The following TNFRSF8 variants were observed in gnomAD, a reference collection of about 807,000 sequenced individuals.
TNFRSF8 encodes TNF receptor superfamily member 8.
A neutral mutation model predicts 70.8 loss-of-function variants in TNFRSF8; 26 were observed. The observed-to-expected ratio is 0.37, with a 90% CI of 0.27 to 0.51. The LOEUF (loss-of-function observed/expected upper bound fraction) is 0.51, where lower values mean the gene tolerates loss of function less well. Ranked by LOEUF, TNFRSF8 falls within the 20% of genes least tolerant of loss-of-function variation. The pLI is 0.94. For synonymous variants in TNFRSF8, 356 were observed against 339.2 expected (o/e 1.05, Z -0.54); for missense variants, 720 against 807.9 (o/e 0.89, Z 1.32).
chr1:12,095,597 A>G (rs1641319685), intron 2 of TNFRSF8, among the ~76,000 whole-genome samples: 1 of 152,134 alleles, frequency 6.6e-6, no homozygotes, highest in Non-Finnish European at 1.5e-5. Flanking sequence ...CTGTTACTAT[A>G]TGTTATTTTG....
chr1:12,083,303 A>G (rs551664132), intron 1 of TNFRSF8, among the ~76,000 whole-genome samples: 1 of 152,352 alleles, frequency 6.6e-6, no homozygotes, highest in East Asian at 1.9e-4. Flanking sequence ...TCCTAGGTAT[A>G]TAGCCAACAA....
intron 1 of TNFRSF8, among the ~76,000 whole-genome samples, chr1:12,075,315 G>A (rs1402938652): frequency 2.6e-5 from 4 of 151,678 alleles, no homozygotes; most frequent in Admixed American, 2.6e-4. Flanking sequence ...TGAACTCCTG[G>A]GCTTAAGCAA....
chr1:12,116,081 A>G (rs1173143973), intron 8 of TNFRSF8, among the ~76,000 whole-genome samples: 1 of 152,146 alleles, frequency 6.6e-6, no homozygotes, highest in Non-Finnish European at 1.5e-5. Flanking sequence ...TCCTGGGTTC[A>G]AGCAATTCTC....
intron 2 of TNFRSF8, among the ~76,000 whole-genome samples, chr1:12,095,356 C>T (rs1034523019): frequency 6.6e-6 from 1 of 150,978 alleles, no homozygotes; most frequent in Non-Finnish European, 1.5e-5. Flanking sequence ...GGCACGATCT[C>T]GGCTCACTGC....
intron 2 of TNFRSF8, among the ~76,000 whole-genome samples, chr1:12,095,214 A>G (rs1166982142): frequency 6.6e-6 from 1 of 152,150 alleles, no homozygotes; most frequent in Non-Finnish European, 1.5e-5. Flanking sequence ...GTCTGGGCTC[A>G]TCATTGCTTT....
chr1:12,115,185 G>A (rs1198543184), intron 7 of TNFRSF8, among the ~76,000 whole-genome samples: 1 of 152,164 alleles, frequency 6.6e-6, no homozygotes, highest in Non-Finnish European at 1.5e-5. Flanking sequence ...GCTTTAGGGA[G>A]AGATAGTGGG....
intron 1 of TNFRSF8, among the ~76,000 whole-genome samples, chr1:12,075,354 G>T (rs6701404): frequency 0.27 from 41,054 of 151,772 alleles, 5,998 homozygotes; most frequent in South Asian, 0.38. Context: ...CCAAAGAGCT[G>T]GGATTACGGG....
In TNFRSF8 at chr1:12,108,956, A is replaced by C. The variant is rs1410928699; in HGVS notation, c.422-610A>C. Among the ~76,000 whole-genome samples the C allele has an allele frequency of 6.6e-6, 1 of 152,178 alleles. No individual in the cohort carries two copies. The highest frequency in any genetic ancestry group is 1.5e-5 in the Non-Finnish European group (1 of 68,032). The stretch of plus-strand genomic sequence containing the variant: ...TCCAGCATTCTTCAGGACTCCTTGG[A>C]TTGCATGTAGCAAAATCCCCAATTT... On this transcript the variant is annotated intron_variant, in intron 4 of 14. Coordinates refer to ENST00000263932, the MANE Select transcript of TNFRSF8 (RefSeq NM_001243.5). This position sits in a 1 kb window ranked among gnomAD's most constrained non-coding sequence, Gnocchi z 4.0.
At chr1:12,103,589 C>T (rs1210990698) in intron 3 of TNFRSF8, among the ~76,000 whole-genome samples, 1 of 152,092 alleles carries the variant, frequency 6.6e-6, no homozygotes, top group East Asian at 1.9e-4. Context: ...CCCGCCTCAG[C>T]CTCCCAAGTA....
At chr1:12,080,975 T>C (rs1641053863) in intron 1 of TNFRSF8, among the ~76,000 whole-genome samples, 1 of 152,220 alleles carries the variant, frequency 6.6e-6, no homozygotes, top group African/African-American at 2.4e-5. Flanking sequence ...CTTGGGCAAG[T>C]GGCTACACCT....
intron 3 of TNFRSF8, among the ~76,000 whole-genome samples, chr1:12,103,603 G>A (rs542757748): frequency 1.4e-4 from 22 of 152,096 alleles, no homozygotes; most frequent in Admixed American, 6.5e-5. Context: ...CCAAGTAGCT[G>A]GGACTACAGG....
In TNFRSF8 at chr1:12,143,682, C is replaced by T. The variant is rs1476598612; in HGVS notation, c.*1151C>T. 1 of 152,198 alleles carries T rather than the reference C, an allele frequency of 6.6e-6. No individual in the cohort carries two copies. The highest frequency in any genetic ancestry group is 1.5e-5 in the Non-Finnish European group (1 of 68,082). 9.4% of individuals were successfully genotyped at this position (152,198 alleles called of 1,614,324 possible). On this transcript the variant is annotated 3_prime_UTR_variant, in exon 15 of 15. Coordinates refer to ENST00000263932, the MANE Select transcript of TNFRSF8 (RefSeq NM_001243.5). This position sits in a 1 kb window ranked among gnomAD's most constrained non-coding sequence, Gnocchi z 4.1. Reference sequence around the variant, plus strand: ...CATTTCACGCTAAGGAGTAGTGGCCCTGACTTCCGGTCGGCTGGCCAGCTG... The same window carrying T: ...CATTTCACGCTAAGGAGTAGTGGCCTTGACTTCCGGTCGGCTGGCCAGCTG...
In TNFRSF8 at chr1:12,143,081, G is replaced by C; in HGVS notation, c.*550G>C. 1 of 154,742 alleles carries C rather than the reference G, an allele frequency of 6.5e-6. No individual in the cohort carries two copies. Among genetic ancestry groups the C allele is most frequent in the South Asian group, 1.9e-4 (1 of 5,230 alleles). 9.6% of individuals were successfully genotyped at this position (154,742 alleles called of 1,614,324 possible). The stretch of plus-strand genomic sequence containing the variant: ...CTCCAGAGTCAAAAGGGAAGTCGAG[G>C]GATGGGGCGTCGTCAGCTGGCACTG... On this transcript the variant is annotated 3_prime_UTR_variant, in exon 15 of 15. Coordinates refer to ENST00000263932, the MANE Select transcript of TNFRSF8 (RefSeq NM_001243.5). This position sits in a 1 kb window ranked among gnomAD's most constrained non-coding sequence, Gnocchi z 4.1.
In TNFRSF8 at chr1:12,071,917, G is replaced by A. The variant is rs202132503; in HGVS notation, c.63+8256G>A. ...TCACCATGTTGGCCAGGATGGTTTC[G>A]AACTCCTGACCTCAAGTGATCCACC... On this transcript the variant is annotated intron_variant, in intron 1 of 14. Coordinates refer to ENST00000263932, the MANE Select transcript of TNFRSF8 (RefSeq NM_001243.5). Among the ~76,000 whole-genome samples the A allele has an allele frequency of 3.3e-5, 5 of 152,236 alleles. 1 individual carries two copies. In the East Asian group the frequency reaches 9.6e-4, roughly 29 times the overall value.
At position 12,063,424 on chromosome 1, in the gene TNFRSF8, AG is replaced by A. The variant is rs1640681394; in HGVS notation, c.-174del. The A allele has an allele frequency of 4.5e-6, 2 of 443,326 alleles. No homozygotes were observed. The highest frequency in any genetic ancestry group is 4.1e-5 in the African/African-American group (2 of 49,210). 27.5% of individuals were successfully genotyped at this position (443,326 alleles called of 1,614,324 possible). On this transcript the variant is annotated 5_prime_UTR_variant, in exon 1 of 15. In the 5' UTR this introduces an upstream ATG that the reference lacks. Coordinates refer to ENST00000263932, the MANE Select transcript of TNFRSF8 (RefSeq NM_001243.5). This position sits in a 1 kb window ranked among gnomAD's most constrained non-coding sequence, Gnocchi z 7.2. ...ACCTCGGAGGAACAACCACTTTTGA[AG>A]TGACTTCGCGGCGTGCGTTGGGTGC...
At chr1:12,129,184 T>C (rs1367535904) in intron 12 of TNFRSF8, among the ~76,000 whole-genome samples, 1 of 152,194 alleles carries the variant, frequency 6.6e-6, no homozygotes, top group Non-Finnish European at 1.5e-5. Context: ...CATTTTCTAT[T>C]ATTCCAGGGA....
intron 1 of TNFRSF8, among the ~76,000 whole-genome samples, chr1:12,069,955 G>T (rs545813349): frequency 2.6e-5 from 4 of 152,310 alleles, no homozygotes; most frequent in African/African-American, 9.6e-5. Flanking sequence ...AGGCCCAGGG[G>T]GTAAAAGCCC....
chr1:12,101,874 C>T (rs1283604744), intron 3 of TNFRSF8, among the ~76,000 whole-genome samples: 4 of 152,022 alleles, frequency 2.6e-5, no homozygotes, highest in Non-Finnish European at 5.9e-5. Flanking sequence ...GGGATTTCAC[C>T]ATGTTGGCCA....
chr1:12,084,418 G>A (rs753210952), intron 1 of TNFRSF8, 46 bp from the exon 2 acceptor site: 1 of 1,554,156 alleles, frequency 6.4e-7, no homozygotes, highest in East Asian at 2.2e-5. Flanking sequence ...AGGGAGTATG[G>A]ATATCTGGGA....
Sources: gnomAD v4.1 joint callset for allele counts (sites outside exome capture counted in the v4.1 genomes callset) on GRCh38, gnomAD v4.1.1 for gene constraint, Gnocchi (gnomAD v3.1) non-coding constraint, MANE v1.5 for transcripts, NCBI Gene and HGNC (gene_info 2026-07-23, HGNC 2026-07-21) for gene names.